The following ERCC8 variants were observed in gnomAD, a reference collection of about 807,000 sequenced individuals.
The protein encoded by ERCC8 is ERCC excision repair 8, CSA ubiquitin ligase complex subunit, also known as DNA excision repair protein ERCC-8.
A neutral mutation model predicts 54.9 loss-of-function variants in ERCC8; 52 were observed. The observed-to-expected ratio is 0.95, with a 90% CI of 0.76 to 1.19. The LOEUF (loss-of-function observed/expected upper bound fraction) is 1.19, where lower values mean the gene tolerates loss of function less well. Among genes scored for constraint, ERCC8 ranks in the 50% most tolerant of loss-of-function variants. ERCC8 has a pLI of 0.00. For missense variants in ERCC8, 514 were observed against 466.1 expected (o/e 1.10, Z -0.95); for synonymous variants, 146 against 157.2 (o/e 0.93, Z 0.53).
chr5:60,918,481 T>C (rs746165545), intron 3 of ERCC8, 93 bp from the exon 4 acceptor site: 42 of 1,113,154 alleles, frequency 3.8e-5, no homozygotes, highest in Middle Eastern at 4.2e-4. Context: ...TCAGGTAGGA[T>C]GATATGAATG....
intron 9 of ERCC8, among the ~76,000 whole-genome samples, chr5:60,896,487 G>A (rs1182117658): frequency 2.0e-5 from 3 of 152,134 alleles, no homozygotes; most frequent in Non-Finnish European, 4.4e-5. Context: ...TGGGATTACA[G>A]GTGTGAGCGA....
intron 1 of ERCC8, among the ~76,000 whole-genome samples, chr5:60,933,216 CTTTTTTTTTTTTTTTTT>C (rs143139297): frequency 1.1e-5 from 1 of 89,484 alleles, no homozygotes; most frequent in Non-Finnish European, 2.0e-5. Flanking sequence ...CCTTTTTTTT[CTTTTTTTTTTTTTTTTT>C]TTTGAGACGG....
chr5:60,930,521 C>T (rs1749877105), intron 1 of ERCC8, among the ~76,000 whole-genome samples: 1 of 151,982 alleles, frequency 6.6e-6, no homozygotes, highest in Admixed American at 6.6e-5. Context: ...CACACCACTG[C>T]ACTCCAGCCT....
intron 10 of ERCC8, among the ~76,000 whole-genome samples, chr5:60,890,383 A>C (rs557322896): frequency 2.0e-5 from 3 of 152,218 alleles, no homozygotes; most frequent in Non-Finnish European, 4.4e-5. Context: ...CATCTGCTCC[A>C]TTGGTGATAT....
rs1747752115 is a variant in ERCC8 at position 60,866,506 on chromosome 5, T to C, written c.*8109A>G. 6.6e-6 allele frequency: 1 copy of C among 152,228 alleles called. No individual in the cohort carries two copies. Among genetic ancestry groups the C allele is most frequent in the African/African-American group, 2.4e-5 (1 of 41,458 alleles). The allele number at this position is 152,228 out of a possible 1,614,324, so 9.4% of individuals were successfully genotyped here. A position where few individuals can be genotyped will look rare whatever the true frequency, so the allele number is the denominator to read the frequency against. On this transcript the variant is annotated 3_prime_UTR_variant, in exon 12 of 12. Transcript: ENST00000676185. Reference sequence around the variant, plus strand: ...CATTTATTCTTACAACTTTGTAAGGTGTATTTTATTCCCGTTCTACAAATG... The same window carrying C: ...CATTTATTCTTACAACTTTGTAAGGCGTATTTTATTCCCGTTCTACAAATG...
At chr5:60,909,463 A>G (rs1033541642) in intron 4 of ERCC8, among the ~76,000 whole-genome samples, 7 of 151,622 alleles carry the variant, frequency 4.6e-5, no homozygotes, top group African/African-American at 1.5e-4. Flanking sequence ...CAAATCTTAC[A>G]CCTTTTGCTA....
At chr5:60,883,926 C>T (rs1748318838) in intron 11 of ERCC8, among the ~76,000 whole-genome samples, 1 of 152,128 alleles carries the variant, frequency 6.6e-6, no homozygotes, top group African/African-American at 2.4e-5. Context: ...TAAATCCTGT[C>T]CCTATCATCC....
intron 3 of ERCC8, 35 bp downstream of exon 3, chr5:60,922,019 A>G (rs775718923): frequency 1.4e-6 from 2 of 1,455,864 alleles, no homozygotes; most frequent in East Asian, 4.6e-5. Flanking sequence ...TCAACTATTT[A>G]CAAATTCATA....
rs148757137 is a variant in ERCC8 at position 60,871,594 on chromosome 5, T to G, written c.*3021A>C. ...TGTATCATAAGAGATTCATGAAGAATGACCATGAAAATGTTAGTGGTGGTT... is the reference window on the plus strand; with the variant it reads ...TGTATCATAAGAGATTCATGAAGAAGGACCATGAAAATGTTAGTGGTGGTT... On this transcript the variant is annotated 3_prime_UTR_variant, in exon 12 of 12. Transcript: ENST00000676185. Among the ~76,000 whole-genome samples the G allele has an allele frequency of 6.6e-6, 1 of 152,280 alleles. No individual in the cohort carries two copies. The highest frequency in any genetic ancestry group is 1.9e-4 in the East Asian group (1 of 5,182).
At chr5:60,902,383 A>G in intron 7 of ERCC8, 59 bp downstream of exon 7, 1 of 1,243,430 alleles carries the variant, frequency 8.0e-7, no homozygotes, top group Non-Finnish European at 1.2e-6. Context: ...ATAAATGTAG[A>G]CTTTTCAAAA....
intron 11 of ERCC8, among the ~76,000 whole-genome samples, chr5:60,883,201 A>T (rs1748296728): frequency 6.6e-6 from 1 of 152,256 alleles, no homozygotes; most frequent in Non-Finnish European, 1.5e-5. Flanking sequence ...TTGCATACAA[A>T]TTATTTCACT....
At position 60,871,572 on chromosome 5, in the gene ERCC8, A is replaced by T. The variant is rs1020697596; in HGVS notation, c.*3043T>A. On this transcript the variant is annotated 3_prime_UTR_variant, in exon 12 of 12. Transcript: ENST00000676185. ...CATCCCATTATGTAAAATTATATGTATCATAAGAGATTCATGAAGAATGAC... is the reference window on the plus strand; with the variant it reads ...CATCCCATTATGTAAAATTATATGTTTCATAAGAGATTCATGAAGAATGAC... 3.9e-5 allele frequency among the ~76,000 whole-genome samples: 6 copies of T among 152,170 alleles called. No individual in the cohort carries two copies. The highest frequency in any genetic ancestry group is 3.9e-4 in the Admixed American group (6 of 15,284).
In ERCC8 at chr5:60,898,298, C is replaced by G; in HGVS notation, c.821G>C (p.Ser274Thr). Residue 274 changes from serine to threonine, a missense_variant, in exon 9 of 12, where the codon AGT becomes ACT. Coordinates refer to ENST00000676185, the MANE Select transcript of ERCC8 (RefSeq NM_000082.4). ...TACAAGTGTGTTTTCTCCATTGGAA[C>G]TATTCCAGAGCCTCATTCGATTATC... is the stretch of plus-strand genomic sequence containing the variant. ...GTDNRMRLWN[S>T]SNGENTLVNY... The G allele has an allele frequency of 6.2e-7, 1 of 1,613,576 alleles. No homozygotes were observed. The highest frequency in any genetic ancestry group is 8.5e-7 in the Non-Finnish European group (1 of 1,179,648).
intron 5 of ERCC8, among the ~76,000 whole-genome samples, chr5:60,904,100 A>G (rs776955855): frequency 1.3e-5 from 2 of 152,082 alleles, no homozygotes; most frequent in Non-Finnish European, 2.9e-5. Flanking sequence ...ATGTATGTAC[A>G]GTTCTATTCC....
intron 6 of ERCC8, 54 bp from the exon 7 acceptor site, chr5:60,902,562 T>G: frequency 6.8e-7 from 1 of 1,464,236 alleles, no homozygotes. Context: ...AATCAGAAGA[T>G]AAAGTGCCAA....
At position 60,945,043 on chromosome 5, in the gene ERCC8, C is replaced by G. The variant is rs774686181; in HGVS notation, c.-35G>C. 9 of 1,582,344 alleles carry G rather than the reference C, an allele frequency of 5.7e-6. No homozygotes were observed. The highest frequency in any genetic ancestry group is 7.8e-6 in the Non-Finnish European group (9 of 1,151,070). ...TCACACCGGCTGGAGCACTGGACGT[C>G]GCCATGACAGAGCTCAGGGGCGGGA... On this transcript the variant is annotated 5_prime_UTR_variant, in exon 1 of 12. Coordinates refer to ENST00000676185, the MANE Select transcript of ERCC8 (RefSeq NM_000082.4).
At chr5:60,944,329 T>C (rs548055112) in intron 1 of ERCC8, among the ~76,000 whole-genome samples, 3 of 152,278 alleles carry the variant, frequency 2.0e-5, no homozygotes, top group Admixed American at 6.5e-5. Flanking sequence ...CTCCCACTCT[T>C]GTTCTCAGTT....
At chr5:60,879,753 G>T (rs1240145188) in intron 11 of ERCC8, among the ~76,000 whole-genome samples, 3 of 152,102 alleles carry the variant, frequency 2.0e-5, no homozygotes, top group Non-Finnish European at 4.4e-5. Context: ...TTCAGCCTAT[G>T]TGTGTCTCTC....
Position 60,898,275 on chromosome 5 carries a change from C to A in ERCC8, c.843+1G>T, listed in dbSNP as rs1305258765. 6.2e-7 allele frequency: 1 copy of A among 1,613,104 alleles called. No individual in the cohort carries two copies. The highest frequency in any genetic ancestry group is 8.5e-7 in the Non-Finnish European group (1 of 1,179,406). The stretch of plus-strand genomic sequence containing the variant: ...CAAATATATACTTAAAAATCTCTTA[C>A]AAGTGTGTTTTCTCCATTGGAACTA... On this transcript the variant is annotated splice_donor_variant, in intron 9 of 11. Transcript: ENST00000676185. LOFTEE classifies it high-confidence loss of function.
Sources: gnomAD v4.1 joint callset for allele counts (sites outside exome capture counted in the v4.1 genomes callset) on GRCh38, gnomAD v4.1.1 for gene constraint, MANE v1.5 for transcripts, NCBI Gene and HGNC (gene_info 2026-07-23, HGNC 2026-07-21) for gene names.